The following ADGB variants were observed in gnomAD, a reference collection of about 807,000 sequenced individuals.
ADGB encodes the protein androglobin.
In ADGB, 172 loss-of-function variants were observed where a neutral mutation model predicts 210.5. That is an observed-to-expected ratio of 0.82 (90% CI 0.72 to 0.93). The LOEUF (loss-of-function observed/expected upper bound fraction) is 0.93. ADGB is among the 40% of genes least tolerant of loss of function. ADGB has a pLI of 0.00. For missense variants in ADGB, 2,025 were observed against 1,964.8 expected, an observed-to-expected ratio of 1.03 and a Z score of -0.58; for synonymous variants, 658 against 662.7, an observed-to-expected ratio of 0.99 and a Z score of 0.11.
At chr6:146,728,329 G>A (rs990896201) in intron 19 of ADGB, among the ~76,000 whole-genome samples, 3 of 152,086 alleles carry the variant, frequency 2.0e-5, no homozygotes, top group African/African-American at 7.2e-5. Context: ...TACGGTGGGG[G>A]AAATTTTACG....
intron 2 of ADGB, among the ~76,000 whole-genome samples, chr6:146,644,204 G>A (rs1388978341): frequency 1.3e-5 from 2 of 151,562 alleles, no homozygotes; most frequent in Admixed American, 1.3e-4. Context: ...GGAGAAATTC[G>A]GTAAATGGCA....
rs1017066888 is a variant in ADGB at position 146,689,279 on chromosome 6, G to C, written c.1312-1837G>C. Among the ~76,000 whole-genome samples the C allele has an allele frequency of 3.9e-5, 6 of 152,154 alleles. No homozygotes were observed. The East Asian group carries it at 1.2e-3, about 29-fold the overall frequency. The stretch of plus-strand genomic sequence containing the variant: ...CCCTCATCCCCTAATTGTAATCCAA[G>C]GAACTTTGAAATCCTTGAACAAACT... On this transcript the variant is annotated intron_variant, in intron 10 of 35. Transcript: ENST00000397944.
chr6:146,731,856 C>T (rs1024274516), intron 20 of ADGB, among the ~76,000 whole-genome samples: 19 of 152,144 alleles, frequency 1.2e-4, no homozygotes, highest in Admixed American at 4.6e-4. Context: ...CTAGCAAACC[C>T]GTTATTGTGG....
At chr6:146,691,461 A>ATATATATATAAAT (rs1554231910) in intron 11 of ADGB, among the ~76,000 whole-genome samples, 171 bp downstream of exon 11, 3 of 18,232 alleles carry the variant, frequency 1.6e-4, no homozygotes, top group African/African-American at 1.4e-3. Context: ...TATATATAAA[A>ATATATATATAAAT]ATATATATAT....
Position 146,762,406 on chromosome 6 carries a change from G to A in ADGB, c.3551-1495G>A, listed in dbSNP as rs1777505266. Among the ~76,000 whole-genome samples the A allele has an allele frequency of 2.6e-5, 4 of 151,966 alleles. No homozygotes were observed. The South Asian group carries it at 8.3e-4, about 32-fold the overall frequency. Reference sequence around the variant, plus strand: ...CATTTTTCTGTGATACTCACCATTTGTTCACTCAGTATGTTCATCTTTTTC... The same window carrying A: ...CATTTTTCTGTGATACTCACCATTTATTCACTCAGTATGTTCATCTTTTTC... On this transcript the variant is annotated intron_variant, in intron 27 of 35. Coordinates refer to ENST00000397944, the MANE Select transcript of ADGB (RefSeq NM_024694.4).
intron 22 of ADGB, among the ~76,000 whole-genome samples, chr6:146,735,448 A>T (rs1417246675): frequency 3.9e-5 from 6 of 152,140 alleles, no homozygotes; most frequent in Non-Finnish European, 8.8e-5. Context: ...TCATCTTTTT[A>T]TCAGGAAGCC....
intron 10 of ADGB, among the ~76,000 whole-genome samples, chr6:146,686,240 C>T (rs1439589527): frequency 6.6e-6 from 1 of 151,996 alleles, no homozygotes; most frequent in African/African-American, 2.4e-5. Flanking sequence ...AATTCACCCT[C>T]AGGCTGGAGA....
chr6:146,793,243 G>T (rs186580081), intron 33 of ADGB, among the ~76,000 whole-genome samples: 1 of 152,076 alleles, frequency 6.6e-6, no homozygotes, highest in South Asian at 2.1e-4. Context: ...GTTTTACAGA[G>T]CACTGATTGT....
At chr6:146,657,951 A>T (rs1328397112) in intron 5 of ADGB, among the ~76,000 whole-genome samples, 1 of 152,216 alleles carries the variant, frequency 6.6e-6, no homozygotes, top group Non-Finnish European at 1.5e-5. Context: ...GATCATATCA[A>T]ACTCTTTGGG....
chr6:146,620,116 G>C (rs1036318821), intron 1 of ADGB, among the ~76,000 whole-genome samples: 4 of 152,036 alleles, frequency 2.6e-5, no homozygotes, highest in African/African-American at 9.7e-5. Flanking sequence ...CCTGACTTGC[G>C]GGATTTATGC....
At chr6:146,730,457 A>G (rs963811769) in intron 20 of ADGB, among the ~76,000 whole-genome samples, 1 of 152,204 alleles carries the variant, frequency 6.6e-6, no homozygotes, top group Non-Finnish European at 1.5e-5. Flanking sequence ...AAGACTCCAT[A>G]TCACCTCTTG....
At chr6:146,639,186 T>C (rs933176879) in intron 2 of ADGB, 6 of 153,532 alleles carry the variant, frequency 3.9e-5, no homozygotes, top group Non-Finnish European at 7.3e-5. Flanking sequence ...GTGCTCAGGA[T>C]TGTCCTTCTT....
chr6:146,635,812 G>A (rs1440945512), intron 2 of ADGB, among the ~76,000 whole-genome samples: 1 of 152,020 alleles, frequency 6.6e-6, no homozygotes, highest in Non-Finnish European at 1.5e-5. Flanking sequence ...AGATAGGGCA[G>A]GTTAGCCAGT....
In ADGB at chr6:146,721,387, G is replaced by T. The variant is rs535976002; in HGVS notation, c.1993-16G>T. ...GAACTGATATTAAGTATGACAACTGGTCTAATTTCTTGCAGTTCTCAGAAG... is the reference window on the plus strand; with the variant it reads ...GAACTGATATTAAGTATGACAACTGTTCTAATTTCTTGCAGTTCTCAGAAG... On this transcript the variant is annotated splice_polypyrimidine_tract_variant and intron_variant, in intron 16 of 35. Coordinates refer to ENST00000397944, the MANE Select transcript of ADGB (RefSeq NM_024694.4). 1.9e-5 allele frequency: 27 copies of T among 1,433,884 alleles called. No homozygotes were observed. The East Asian group carries it at 6.4e-4, about 34-fold the overall frequency. 88.8% of individuals were successfully genotyped at this position (1,433,884 alleles called of 1,614,324 possible). A position where few individuals can be genotyped will look rare whatever the true frequency, so the allele number is the denominator to read the frequency against.
intron 3 of ADGB, among the ~76,000 whole-genome samples, chr6:146,653,785 A>G (rs1294753218): frequency 6.6e-6 from 1 of 152,142 alleles, no homozygotes; most frequent in East Asian, 1.9e-4. Context: ...TATGTATTTT[A>G]CTCCTATAGT....
intron 30 of ADGB, among the ~76,000 whole-genome samples, 175 bp from the exon 31 acceptor site, chr6:146,784,443 T>C (rs1777844270): frequency 6.6e-6 from 1 of 152,218 alleles, no homozygotes; most frequent in Non-Finnish European, 1.5e-5. Flanking sequence ...GTTGGTTTTT[T>C]GTGTGTATTA....
intron 9 of ADGB, among the ~76,000 whole-genome samples, chr6:146,681,796 G>T (rs1442167675): frequency 2.0e-5 from 3 of 152,070 alleles, no homozygotes; most frequent in Non-Finnish European, 2.9e-5. Flanking sequence ...GGTAGGAAGT[G>T]GGCCGGAACA....
intron 17 of ADGB, among the ~76,000 whole-genome samples, chr6:146,723,507 G>A (rs772897845): frequency 2.6e-5 from 4 of 152,076 alleles, no homozygotes; most frequent in African/African-American, 4.8e-5. Context: ...AGGTTGAGGC[G>A]GGCAGATCAC....
intron 11 of ADGB, among the ~76,000 whole-genome samples, 169 bp downstream of exon 11, chr6:146,691,459 A>AAATATAAAATATATATAT (rs1776319460): frequency 2.2e-5 from 1 of 44,746 alleles, no homozygotes; most frequent in African/African-American, 2.4e-4. Context: ...TATATATATA[A>AAATATAAAATATATATAT]AAATATATAT....
Sources: gnomAD v4.1 joint callset for allele counts (sites outside exome capture counted in the v4.1 genomes callset) on GRCh38, gnomAD v4.1.1 for gene constraint, MANE v1.5 for transcripts, NCBI Gene and HGNC (gene_info 2026-07-23, HGNC 2026-07-21) for gene names.